Variants in ANO10 observed in about 807,000 individuals in gnomAD.
The protein encoded by ANO10 is anoctamin 10.
A neutral mutation model predicts 74.7 loss-of-function variants in ANO10; 77 were observed. The observed-to-expected ratio is 1.03, with a 90% CI of 0.86 to 1.25. The LOEUF is 1.25. Ranked by LOEUF, ANO10 falls within the 50% of genes most tolerant of loss-of-function variation. ANO10 has a pLI of 0.00. For missense variants in ANO10, 721 were observed against 778.1 expected (o/e 0.93, Z 0.87); for synonymous variants, 279 against 284.9 (o/e 0.98, Z 0.21).
At chr3:43,410,788 T>G (rs144218370) in intron 12 of ANO10, among the ~76,000 whole-genome samples, 13 of 152,244 alleles carry the variant, frequency 8.5e-5, no homozygotes, top group African/African-American at 3.1e-4. Context: ...AGAAAATCCA[T>G]GCTAGCTCAA....
chr3:43,426,656 C>T (rs539187736), intron 12 of ANO10, among the ~76,000 whole-genome samples: 6 of 152,270 alleles, frequency 3.9e-5, no homozygotes, highest in Admixed American at 3.9e-4. Context: ...CAAATGGTTC[C>T]TGCATTAGAA....
At position 43,605,801 on chromosome 3, in the gene ANO10, A is replaced by AAG. The variant is rs751145693; in HGVS notation, c.50_51dup (p.Val19TrpfsTer4). ...TCCTGAGCAAGTTCTATGACCACCA[A>AAG]AGGTGTGAAAGAACTCTCAGAAGTA... On this transcript the variant is annotated frameshift_variant, in exon 2 of 13. Coordinates refer to ENST00000292246, the MANE Select transcript of ANO10 (RefSeq NM_018075.5). LOFTEE classifies it high-confidence loss of function. 6.2e-7 allele frequency: 1 copy of AAG among 1,613,728 alleles called. No homozygotes were observed. The highest frequency in any genetic ancestry group is 8.5e-7 in the Non-Finnish European group (1 of 1,179,736).
At chr3:43,482,076 G>A (rs528729406) in intron 11 of ANO10, among the ~76,000 whole-genome samples, 63 of 151,432 alleles carry the variant, frequency 4.2e-4, no homozygotes, top group Non-Finnish European at 6.3e-4. Flanking sequence ...CTACAGGTGC[G>A]TGCCACCACC....
Position 43,605,078 on chromosome 3 carries a change from G to A in ANO10, c.139+636C>T, listed in dbSNP as rs1364466574. Among the ~76,000 whole-genome samples, 6 of 151,974 alleles carry A rather than the reference G, an allele frequency of 3.9e-5. No homozygotes were observed. In the South Asian group the frequency reaches 8.3e-4, roughly 21 times the overall value. ...GCTCATGTAAAACACTAAAACACCCGCTGCTTTCTCACCCAGACTGGGAAC... is the reference window on the plus strand; with the variant it reads ...GCTCATGTAAAACACTAAAACACCCACTGCTTTCTCACCCAGACTGGGAAC... On this transcript the variant is annotated intron_variant, in intron 2 of 12. Coordinates refer to ENST00000292246, the MANE Select transcript of ANO10 (RefSeq NM_018075.5).
At chr3:43,389,978 A>G (rs1218005286) in intron 12 of ANO10, among the ~76,000 whole-genome samples, 2 of 152,100 alleles carry the variant, frequency 1.3e-5, no homozygotes, top group Admixed American at 1.3e-4. Flanking sequence ...TGAGAGGACA[A>G]CTCTTTCCAA....
At chr3:43,434,342 T>C (rs139420601) in intron 11 of ANO10, among the ~76,000 whole-genome samples, 20 of 152,298 alleles carry the variant, frequency 1.3e-4, no homozygotes, top group Non-Finnish European at 2.6e-4. Context: ...ACTAACTGAA[T>C]TAATAAAAAC....
chr3:43,691,100 GTTAGGGCCCAGCGGGC>G, intron 1 of ANO10: 1 of 1,469,740 alleles, frequency 6.8e-7, no homozygotes, highest in Non-Finnish European at 9.0e-7. Flanking sequence ...CGCGGGCCGG[GTTAGGGCCCAGCGGGC>G]AGCACCAAGG....
At chr3:43,567,946 G>C (rs536654211) in intron 7 of ANO10, among the ~76,000 whole-genome samples, 4 of 152,022 alleles carry the variant, frequency 2.6e-5, no homozygotes, top group Non-Finnish European at 4.4e-5. Context: ...CCCATCTCAC[G>C]TGCAGAGACA....
At chr3:43,582,265 C>T (rs2081294663) in intron 4 of ANO10, among the ~76,000 whole-genome samples, 1 of 152,098 alleles carries the variant, frequency 6.6e-6, no homozygotes, top group Admixed American at 6.5e-5. Context: ...TCCTGCCGAA[C>T]ACCGTGAAAC....
At chr3:43,592,806 C>T (rs938873642) in intron 4 of ANO10, among the ~76,000 whole-genome samples, 24 of 152,084 alleles carry the variant, frequency 1.6e-4, no homozygotes, top group Admixed American at 2.0e-4. Flanking sequence ...CGAACTTCTC[C>T]GAGCTAAAGG....
intron 11 of ANO10, among the ~76,000 whole-genome samples, chr3:43,444,715 A>G (rs932182817): frequency 6.6e-6 from 1 of 151,892 alleles, no homozygotes; most frequent in African/African-American, 2.4e-5. Context: ...CACACAATCG[A>G]CCTCCTGTGG....
intron 9 of ANO10, 90 bp downstream of exon 9, chr3:43,561,130 G>A: frequency 7.0e-7 from 1 of 1,427,576 alleles, no homozygotes. Flanking sequence ...AGTCACATCT[G>A]AGATCATGAA....
At chr3:43,434,925 C>T (rs1163120341) in intron 11 of ANO10, among the ~76,000 whole-genome samples, 1 of 152,166 alleles carries the variant, frequency 6.6e-6, no homozygotes, top group Non-Finnish European at 1.5e-5. Flanking sequence ...GAGTAATTCT[C>T]TACAGTTTAT....
At chr3:43,428,795 G>GAAAAAAAAAAAAAAAAAAA (rs1245373022) in intron 12 of ANO10, among the ~76,000 whole-genome samples, 1 of 3,418 alleles carries the variant, frequency 2.9e-4, no homozygotes, top group African/African-American at 4.7e-4. Flanking sequence ...CTTTGTGAAT[G>GAAAAAAAAAAAAAAAAAAA]CAAAAAAAAA....
At chr3:43,634,036 C>T (rs1575572427) in intron 1 of ANO10, among the ~76,000 whole-genome samples, 1 of 149,710 alleles carries the variant, frequency 6.7e-6, no homozygotes, top group South Asian at 2.1e-4. Flanking sequence ...TCTTCAAGAC[C>T]GTCTGCTACA....
intron 1 of ANO10, among the ~76,000 whole-genome samples, chr3:43,673,893 T>C (rs1474606994): frequency 3.3e-5 from 5 of 152,080 alleles, no homozygotes; most frequent in Admixed American, 1.3e-4. Context: ...CCAATGACAC[T>C]AGAACTTGAA....
intron 1 of ANO10, among the ~76,000 whole-genome samples, chr3:43,684,479 G>T (rs939478357): frequency 5.9e-5 from 9 of 152,194 alleles, no homozygotes; most frequent in African/African-American, 2.2e-4. Flanking sequence ...TTACACTGTT[G>T]GTGGGACTGT....
chr3:43,416,915 G>A (rs567393923), intron 12 of ANO10, among the ~76,000 whole-genome samples: 47 of 152,222 alleles, frequency 3.1e-4, no homozygotes, highest in African/African-American at 9.6e-4. Context: ...CCTAACAATC[G>A]CCTCATTAAC....
At chr3:43,409,550 T>G (rs1386530092) in intron 12 of ANO10, among the ~76,000 whole-genome samples, 2 of 151,964 alleles carry the variant, frequency 1.3e-5, no homozygotes, top group East Asian at 3.9e-4. Flanking sequence ...TCAATAAAAA[T>G]AAGAAAAGAA....
Sources: allele counts gnomAD v4.1 joint callset (sites outside exome capture counted in the v4.1 genomes callset), GRCh38; gene constraint gnomAD v4.1.1; transcripts MANE v1.5; gene names NCBI Gene and HGNC (gene_info 2026-07-23, HGNC 2026-07-21).